The following MYH11 variants were observed in gnomAD, a reference collection of about 807,000 sequenced individuals.
The protein encoded by MYH11 is myosin heavy chain 11.
In MYH11, 80 loss-of-function variants were observed where a neutral mutation model predicts 246.6. The observed-to-expected ratio is 0.32, with a 90% CI of 0.27 to 0.39. The LOEUF (loss-of-function observed/expected upper bound fraction) is 0.39, where lower values mean the gene tolerates loss of function less well. Among genes scored for constraint, MYH11 ranks in the 10% least tolerant of loss-of-function variants. The probability of loss-of-function intolerance (pLI) is 1.00; values close to 1 mark genes in which losing one functional copy is unlikely to be tolerated. For synonymous variants in MYH11, 1,071 were observed against 1,015.5 expected (o/e 1.05, Z -1.04); for missense variants, 2,158 against 2,546.8 (o/e 0.85, Z 3.29).
chr16:15,762,854 G>A (rs1302643658), intron 10 of MYH11, among the ~76,000 whole-genome samples: 1 of 152,194 alleles, frequency 6.6e-6, no homozygotes, highest in Non-Finnish European at 1.5e-5. Context: ...GTAAGCGGTT[G>A]CAACAGGTTT....
chr16:15,753,802 C>T (rs2041638087), intron 14 of MYH11, among the ~76,000 whole-genome samples: 1 of 152,144 alleles, frequency 6.6e-6, no homozygotes, highest in South Asian at 2.1e-4. Context: ...CCTAAGCCAG[C>T]ACAGTACCTG....
intron 2 of MYH11, among the ~76,000 whole-genome samples, chr16:15,825,813 C>T (rs1259804922): frequency 6.6e-6 from 1 of 151,972 alleles, no homozygotes; most frequent in Non-Finnish European, 1.5e-5. Flanking sequence ...TAGATTTTCC[C>T]ATGGTTGAGG....
At chr16:15,707,854 C>T (rs2039541100) in intron 40 of MYH11, among the ~76,000 whole-genome samples, 1 of 151,536 alleles carries the variant, frequency 6.6e-6, no homozygotes, top group Non-Finnish European at 1.5e-5. Flanking sequence ...AGCCTGTAAT[C>T]CCAGCTACTC....
intron 15 of MYH11, among the ~76,000 whole-genome samples, chr16:15,752,515 G>A (rs1388202531): frequency 3.3e-5 from 5 of 152,060 alleles, no homozygotes; most frequent in East Asian, 1.9e-4. Flanking sequence ...TTTCAGGCCC[G>A]CCCCATCCCT....
intron 23 of MYH11, 129 bp downstream of exon 23, chr16:15,739,922 A>T: frequency 1.0e-6 from 1 of 968,656 alleles, no homozygotes; most frequent in Non-Finnish European, 1.6e-6. Context: ...TTGTATTTTT[A>T]GTAGAGATGG....
At chr16:15,800,491 G>C (rs781540441) in intron 3 of MYH11, among the ~76,000 whole-genome samples, 1 of 145,624 alleles carries the variant, frequency 6.9e-6, no homozygotes, top group Non-Finnish European at 1.5e-5. Flanking sequence ...TATATAGCTG[G>C]TTGGACGGAT....
intron 3 of MYH11, among the ~76,000 whole-genome samples, chr16:15,811,528 C>T (rs1018245528): frequency 6.6e-5 from 10 of 152,006 alleles, no homozygotes; most frequent in East Asian, 1.9e-4. Flanking sequence ...TAGTGAGGGC[C>T]GAGCAATGTG....
At chr16:15,836,046 GGC>G (rs2043882852) in intron 2 of MYH11, among the ~76,000 whole-genome samples, 1 of 151,978 alleles carries the variant, frequency 6.6e-6, no homozygotes, top group Admixed American at 6.6e-5. Context: ...CACTATGCCC[GGC>G]TCCCAAGAGG....
intron 4 of MYH11, among the ~76,000 whole-genome samples, chr16:15,797,321 C>G (rs1412829829): frequency 6.6e-6 from 1 of 152,008 alleles, no homozygotes. Context: ...AACATATGCA[C>G]GTCCATGCAA....
intron 8 of MYH11, among the ~76,000 whole-genome samples, chr16:15,774,745 A>C (rs1477006162): frequency 3.3e-5 from 5 of 152,212 alleles, no homozygotes; most frequent in African/African-American, 1.2e-4. Context: ...GCCAGCCACC[A>C]CACCTGGCTA....
In MYH11 at chr16:15,719,810, G is replaced by A; in HGVS notation, c.4954-97C>T. Reference sequence around the variant, plus strand: ...TGCACACCCACCCCTTGGATTTTCTGCAGTTGACCACAAAGAAGTTCCCAT... The same window carrying A: ...TGCACACCCACCCCTTGGATTTTCTACAGTTGACCACAAAGAAGTTCCCAT... On this transcript the variant is annotated intron_variant, in intron 34 of 40. Coordinates refer to ENST00000300036, the MANE Select transcript of MYH11 (RefSeq NM_002474.3). The A allele has an allele frequency of 3.3e-6, 5 of 1,536,062 alleles. No homozygotes were observed. In the South Asian group the frequency reaches 4.5e-5, roughly 14 times the overall value.
chr16:15,788,346 GT>G (rs202062248), intron 4 of MYH11, among the ~76,000 whole-genome samples: 17 of 147,322 alleles, frequency 1.2e-4, no homozygotes, highest in South Asian at 2.2e-4. Context: ...ATATAAGAGA[GT>G]TTTTTTTTTA....
Position 15,759,742 on chromosome 16 carries a change from C to G in MYH11, c.1249-14G>C. On this transcript the variant is annotated splice_polypyrimidine_tract_variant and intron_variant, in intron 11 of 40. Transcript: ENST00000300036. ...AGCAAAGTCAGCCTGCAGAGGGCAA[C>G]CAGGGGAACCCGGTTATTCTCAATG... The G allele has an allele frequency of 1.2e-6, 2 of 1,613,602 alleles. No homozygotes were observed.
chr16:15,718,300 C>T lies in MYH11; in HGVS notation c.5295+15G>A. On this transcript the variant is annotated intron_variant, in intron 37 of 40. Transcript: ENST00000300036. ...ACAGTAGGCAGCGTGACTGTGGTGT[C>T]CAGGCGGCCCTCACCTGCTGTGTGG... The T allele has an allele frequency of 6.2e-7, 1 of 1,607,962 alleles. No individual in the cohort carries two copies. The highest frequency in any genetic ancestry group is 8.5e-7 in the Non-Finnish European group (1 of 1,179,956).
chr16:15,821,642 G>T (rs1235801592), intron 3 of MYH11, among the ~76,000 whole-genome samples: 1 of 151,796 alleles, frequency 6.6e-6, no homozygotes, highest in African/African-American at 2.4e-5. Context: ...GGAATTGCTG[G>T]GTATGGTGGC....
chr16:15,715,740 T>C (rs549044808), intron 38 of MYH11, among the ~76,000 whole-genome samples: 1 of 152,268 alleles, frequency 6.6e-6, no homozygotes, highest in East Asian at 1.9e-4. Flanking sequence ...CTTGAACTCC[T>C]GGCTCAAGCA....
rs758579301 is a variant in MYH11, at chr16:15,760,529, T to G, written c.1248+11A>C. On this transcript the variant is annotated intron_variant, in intron 11 of 40. Coordinates refer to ENST00000300036, the MANE Select transcript of MYH11 (RefSeq NM_002474.3). ...GGTGCATGGATGGATAAGTGATAAG[T>G]ACATCATTACCTGTTCTTTTGTCTG... The G allele has an allele frequency of 6.3e-7, 1 of 1,576,894 alleles. No homozygotes were observed. Among genetic ancestry groups the G allele is most frequent in the Non-Finnish European group, 8.7e-7 (1 of 1,146,264 alleles).
intron 40 of MYH11, among the ~76,000 whole-genome samples, chr16:15,706,494 G>C (rs1379059823): frequency 1.3e-5 from 2 of 152,162 alleles, no homozygotes; most frequent in African/African-American, 4.8e-5. Context: ...TCACTCGTGA[G>C]GTCAGTTGTT....
chr16:15,753,591 T>G (rs960938697), intron 14 of MYH11, 83 bp from the exon 15 acceptor site: 1 of 1,009,946 alleles, frequency 9.9e-7, no homozygotes, highest in Non-Finnish European at 1.6e-6. Flanking sequence ...CCTCCCATTG[T>G]CCTTCCAGAT....
Sources: allele counts gnomAD v4.1 joint callset (sites outside exome capture counted in the v4.1 genomes callset), GRCh38; gene constraint gnomAD v4.1.1; transcripts MANE v1.5; gene names NCBI Gene and HGNC (gene_info 2026-07-23, HGNC 2026-07-21).